BABAM2: variants seen among roughly 807,000 people sequenced by gnomAD.
BABAM2 encodes the protein BRISC and BRCA1 A complex member 2, also known as BRISC and BRCA1-A complex member 2.
Under a neutral mutation model 54.7 loss-of-function variants are expected in BABAM2, and 31 were observed. That is an observed-to-expected ratio of 0.57 (90% CI 0.43 to 0.77). The LOEUF is 0.77. Among genes scored for constraint, BABAM2 ranks in the 30% least tolerant of loss-of-function variants. The pLI, the probability that BABAM2 is intolerant of heterozygous loss-of-function variation, is 0.00. For synonymous variants in BABAM2, 167 were observed against 162.9 expected, an observed-to-expected ratio of 1.03 and a Z score of -0.19; for missense variants, 364 against 455.8, an observed-to-expected ratio of 0.80 and a Z score of 1.83.
At position 28,033,978 on chromosome 2, in the gene BABAM2, T is replaced by C. The variant is rs1573441528; in HGVS notation, c.495+8558T>C. ...GATGTGAGACAATTACCTTTTTTGCTTGTATCTGACCCAAATCCTAGTAAG... is the reference window on the plus strand; with the variant it reads ...GATGTGAGACAATTACCTTTTTTGCCTGTATCTGACCCAAATCCTAGTAAG... On this transcript the variant is annotated intron_variant, in intron 5 of 11. Transcript: ENST00000379624. 2.6e-5 allele frequency among the ~76,000 whole-genome samples: 4 copies of C among 152,284 alleles called. No individual in the cohort carries two copies. In the South Asian group the frequency reaches 8.3e-4, roughly 32 times the overall value.
intron 7 of BABAM2, among the ~76,000 whole-genome samples, chr2:28,147,051 CT>C (rs1372762454): frequency 6.6e-6 from 1 of 152,154 alleles, no homozygotes; most frequent in Non-Finnish European, 1.5e-5. Context: ...CACTTAATGA[CT>C]TCCCTCTACA....
intron 7 of BABAM2, among the ~76,000 whole-genome samples, 184 bp downstream of exon 7, chr2:28,129,564 C>T (rs1212367075): frequency 1.3e-5 from 2 of 152,084 alleles, no homozygotes; most frequent in Non-Finnish European, 2.9e-5. Flanking sequence ...TGCCACTACA[C>T]CCTTTTGGCA....
At chr2:28,153,959 G>C (rs1247906079) in intron 7 of BABAM2, among the ~76,000 whole-genome samples, 1 of 152,086 alleles carries the variant, frequency 6.6e-6, no homozygotes, top group Non-Finnish European at 1.5e-5. Flanking sequence ...ATTTTTCTTA[G>C]TATTCAGCAG....
intron 6 of BABAM2, among the ~76,000 whole-genome samples, chr2:28,050,697 T>C (rs1677931189): frequency 6.6e-6 from 1 of 152,228 alleles, no homozygotes; most frequent in African/African-American, 2.4e-5. Flanking sequence ...ACTTGTACGC[T>C]ACCTGCCCAG....
chr2:28,221,849 T>G (rs976367123), intron 7 of BABAM2, among the ~76,000 whole-genome samples: 1 of 152,222 alleles, frequency 6.6e-6, no homozygotes, highest in African/African-American at 2.4e-5. Context: ...GTGTTTGTTG[T>G]TCAGGCAATG....
chr2:28,014,364 T>C (rs1053371974), intron 4 of BABAM2, among the ~76,000 whole-genome samples: 3 of 152,230 alleles, frequency 2.0e-5, no homozygotes, highest in South Asian at 2.1e-4. Context: ...AAGTGCCTTC[T>C]GTTCAGACTA....
chr2:28,198,340 ATT>A (rs746949038), intron 7 of BABAM2, among the ~76,000 whole-genome samples: 4 of 151,956 alleles, frequency 2.6e-5, no homozygotes, highest in Middle Eastern at 3.4e-3. Flanking sequence ...AATTTTTTGT[ATT>A]TTTTTAGTAG....
intron 6 of BABAM2, among the ~76,000 whole-genome samples, chr2:28,049,137 A>T (rs934515365): frequency 1.3e-5 from 2 of 152,214 alleles, no homozygotes; most frequent in Admixed American, 1.3e-4. Flanking sequence ...TGTAAATATG[A>T]TGTGTGTTTG....
At chr2:28,196,698 A>T (rs2147938842) in intron 7 of BABAM2, among the ~76,000 whole-genome samples, 1 of 152,166 alleles carries the variant, frequency 6.6e-6, no homozygotes, top group African/African-American at 2.4e-5. Context: ...AATTGTTTTT[A>T]ATTAGCTTGG....
chr2:28,237,353 C>T (rs1682007203), intron 8 of BABAM2, 52 bp downstream of exon 8: 1 of 1,495,698 alleles, frequency 6.7e-7, no homozygotes, highest in Non-Finnish European at 9.3e-7. Context: ...TCCTCCAGTC[C>T]ACCACGTACC....
intron 10 of BABAM2, among the ~76,000 whole-genome samples, chr2:28,259,992 C>T (rs1684347516): frequency 6.6e-6 from 1 of 152,042 alleles, no homozygotes; most frequent in Admixed American, 6.5e-5. Flanking sequence ...CCTCTTCTTC[C>T]CGTATTCAAG....
chr2:27,991,969 T>C (rs1415655404), intron 4 of BABAM2, among the ~76,000 whole-genome samples: 1 of 152,202 alleles, frequency 6.6e-6, no homozygotes, highest in East Asian at 1.9e-4. Context: ...TTTTACATTC[T>C]TACCAGAAGT....
intron 6 of BABAM2, among the ~76,000 whole-genome samples, chr2:28,100,750 C>T (rs1257861877): frequency 1.3e-5 from 2 of 152,124 alleles, no homozygotes; most frequent in Non-Finnish European, 2.9e-5. Context: ...GACTAGAAAG[C>T]TCGATGCCAA....
intron 10 of BABAM2, among the ~76,000 whole-genome samples, chr2:28,250,171 A>T (rs1683310147): frequency 6.6e-6 from 1 of 151,996 alleles, no homozygotes; most frequent in Admixed American, 6.6e-5. Context: ...TTCCGCTGAG[A>T]CCTTAGCAGT....
intron 4 of BABAM2, among the ~76,000 whole-genome samples, chr2:28,007,201 G>A (rs1021073841): frequency 6.6e-6 from 1 of 151,894 alleles, no homozygotes; most frequent in African/African-American, 2.4e-5. Context: ...AAGCCTGAAT[G>A]GTAGTCACAG....
chr2:27,894,824 T>G, intron 2 of BABAM2, 140 bp downstream of exon 2: 1 of 998,042 alleles, frequency 1.0e-6, no homozygotes, highest in East Asian at 2.6e-5. Context: ...GTTGATTCAG[T>G]TGGTTTTGTT....
intron 6 of BABAM2, among the ~76,000 whole-genome samples, chr2:28,049,605 AGT>A (rs1558686906): frequency 6.6e-6 from 1 of 152,180 alleles, no homozygotes; most frequent in Non-Finnish European, 1.5e-5. Flanking sequence ...AAATTAATTG[AGT>A]GTGAAAAAGC....
At chr2:28,197,657 A>G (rs1442512923) in intron 7 of BABAM2, among the ~76,000 whole-genome samples, 1 of 152,236 alleles carries the variant, frequency 6.6e-6, no homozygotes, top group Non-Finnish European at 1.5e-5. Context: ...ACTAGTAACA[A>G]AGCCCCATTC....
chr2:28,237,066 C>T, intron 7 of BABAM2, 136 bp from the exon 8 acceptor site: 3 of 673,800 alleles, frequency 4.5e-6, no homozygotes, highest in Middle Eastern at 7.7e-4. Context: ...TAAAGTGAAG[C>T]CCATATACCC....
Sources: allele counts gnomAD v4.1 joint callset (sites outside exome capture counted in the v4.1 genomes callset), GRCh38; gene constraint gnomAD v4.1.1; transcripts MANE v1.5; gene names NCBI Gene and HGNC (gene_info 2026-07-23, HGNC 2026-07-21).